The following ME1 variants were observed in gnomAD, a reference collection of about 807,000 sequenced individuals.
ME1 encodes the protein NADP-dependent malic enzyme.
In ME1, 74 loss-of-function variants were observed where a neutral mutation model predicts 66.4. The ratio of observed to expected loss-of-function variants is 1.11; its 90% CI spans 0.92 to 1.35. The LOEUF is 1.35. ME1 is among the 40% of genes most tolerant of loss of function. The pLI, the probability that ME1 is intolerant of heterozygous loss-of-function variation, is 0.00. For missense variants in ME1, 750 were observed against 694.1 expected (o/e 1.08, Z -0.90); for synonymous variants, 251 against 235.6 (o/e 1.07, Z -0.60).
chr6:83,355,795 A>G (rs1317435329), intron 3 of ME1, among the ~76,000 whole-genome samples: 1 of 152,172 alleles, frequency 6.6e-6, no homozygotes, highest in East Asian at 1.9e-4. Flanking sequence ...GTTATAAAAT[A>G]AAAAAGTTTA....
intron 6 of ME1, among the ~76,000 whole-genome samples, chr6:83,284,309 T>C (rs1485104381): frequency 6.6e-6 from 1 of 151,992 alleles, no homozygotes; most frequent in African/African-American, 2.4e-5. Context: ...TTCTACCAGA[T>C]GTACAAAGAA....
chr6:83,216,797 T>C (rs1790003678), intron 12 of ME1, among the ~76,000 whole-genome samples: 1 of 152,120 alleles, frequency 6.6e-6, no homozygotes, highest in Admixed American at 6.5e-5. Context: ...GATCACATAA[T>C]TGGTGAAAAA....
chr6:83,429,136 G>A (rs935360344), intron 1 of ME1, among the ~76,000 whole-genome samples: 1 of 152,072 alleles, frequency 6.6e-6, no homozygotes, highest in African/African-American at 2.4e-5. Flanking sequence ...GGTGGCGGGC[G>A]CTTGTAGTCT....
intron 3 of ME1, among the ~76,000 whole-genome samples, chr6:83,386,761 C>T (rs1369506663): frequency 6.6e-6 from 1 of 150,574 alleles, no homozygotes; most frequent in Non-Finnish European, 1.5e-5. Flanking sequence ...GGAGATGGGG[C>T]CTTTGGGAGG....
intron 9 of ME1, among the ~76,000 whole-genome samples, chr6:83,232,266 G>T (rs1790321958): frequency 1.3e-5 from 2 of 152,134 alleles, no homozygotes; most frequent in South Asian, 2.1e-4. Context: ...TGGATCTGTG[G>T]ACAGGGCTTT....
chr6:83,250,035 T>G (rs530430792), intron 7 of ME1, among the ~76,000 whole-genome samples: 1 of 152,282 alleles, frequency 6.6e-6, no homozygotes, highest in Non-Finnish European at 1.5e-5. Context: ...ATTCCTGAAC[T>G]GTTGAACTCA....
rs182393342 is a variant in ME1 at position 83,339,894 on chromosome 6, G to A, written c.600+6279C>T. Among the ~76,000 whole-genome samples, 537 of 132,620 alleles carry A rather than the reference G, an allele frequency of 4.0e-3. 4 individuals carry two copies. The highest frequency in any genetic ancestry group is 0.014 in the African/African-American group (500 of 34,820). The allele number at this position is 132,620 out of a possible 152,430, so 87.0% of individuals were successfully genotyped here. On this transcript the variant is annotated intron_variant, in intron 5 of 13. Coordinates refer to ENST00000369705, the MANE Select transcript of ME1 (RefSeq NM_002395.6). ...TAGATGACACGTTAGTGGGTGCAGC[G>A]CACCAGCATGGCACATGTATACATA... is the stretch of plus-strand genomic sequence containing the variant.
intron 3 of ME1, chr6:83,392,719 T>C: frequency 3.2e-6 from 2 of 627,648 alleles, no homozygotes; most frequent in Admixed American, 1.8e-5. Flanking sequence ...CACCAGCATC[T>C]TCACCACCAT....
intron 5 of ME1, among the ~76,000 whole-genome samples, chr6:83,341,286 T>C (rs1015528660): frequency 3.3e-5 from 5 of 152,228 alleles, no homozygotes; most frequent in Non-Finnish European, 5.9e-5. Context: ...TTCTAGACTC[T>C]TCCCTATGCA....
chr6:83,216,425 T>G (rs1033226542), intron 13 of ME1, 73 bp downstream of exon 13: 2 of 1,074,556 alleles, frequency 1.9e-6, no homozygotes, highest in Non-Finnish European at 2.8e-6. Flanking sequence ...AAGCAGATTT[T>G]TAATATTTAA....
chr6:83,240,188 T>C (rs952244801), intron 7 of ME1, among the ~76,000 whole-genome samples: 2 of 151,878 alleles, frequency 1.3e-5, no homozygotes, highest in Admixed American at 6.6e-5. Context: ...ACAAAGAAAC[T>C]CTTAATGTAA....
rs141379346 is a variant in ME1, at chr6:83,418,776, T to C, written c.79-10875A>G. On this transcript the variant is annotated intron_variant, in intron 1 of 13. Coordinates refer to ENST00000369705, the MANE Select transcript of ME1 (RefSeq NM_002395.6). ...ATATAAAGAGCTTAACAGGATATTA[T>C]ATGAAAAGCTACACAAATAACTATA... 5.3e-5 allele frequency among the ~76,000 whole-genome samples: 8 copies of C among 152,300 alleles called. No homozygotes were observed. The East Asian group carries it at 7.7e-4, about 15-fold the overall frequency.
In ME1 at chr6:83,369,782, G is replaced by C. The variant is rs1006594356; in HGVS notation, c.363-17643C>G. On this transcript the variant is annotated intron_variant, in intron 3 of 13. Transcript: ENST00000369705. ...TTTTTTATAACAACTTGAGAGGAAG[G>C]AATATATTCTTTCTCGGTTCAAAAC... Among the ~76,000 whole-genome samples the C allele has an allele frequency of 2.0e-5, 3 of 152,000 alleles. No individual in the cohort carries two copies. The East Asian group carries it at 5.8e-4, about 29-fold the overall frequency.
intron 1 of ME1, among the ~76,000 whole-genome samples, chr6:83,427,083 T>TA (rs1770388176): frequency 1.3e-5 from 2 of 151,932 alleles, no homozygotes; most frequent in South Asian, 4.2e-4. Context: ...TCCCTGAAAA[T>TA]AAAAAACATT....
At chr6:83,403,337 A>G (rs1295990292) in intron 2 of ME1, among the ~76,000 whole-genome samples, 1 of 152,132 alleles carries the variant, frequency 6.6e-6, no homozygotes. Context: ...ACAGAAATTG[A>G]TTTCTCATAG....
intron 1 of ME1, among the ~76,000 whole-genome samples, chr6:83,424,770 T>C (rs1770336917): frequency 6.6e-6 from 1 of 152,288 alleles, no homozygotes; most frequent in South Asian, 2.1e-4. Flanking sequence ...GGCTTAAACA[T>C]AAATTTATTT....
Position 83,404,318 on chromosome 6 carries a change from G to A in ME1, c.212+3450C>T, listed in dbSNP as rs546247470. On this transcript the variant is annotated intron_variant, in intron 2 of 13. Coordinates refer to ENST00000369705, the MANE Select transcript of ME1 (RefSeq NM_002395.6). ...AAATGTCTTCTTTTGAGAAGTGTCC[G>A]TTCATATCCTTTGCCCACTTTTTGA... 3.9e-4 allele frequency among the ~76,000 whole-genome samples: 59 copies of A among 152,100 alleles called. 1 individual carries two copies. The highest frequency in any genetic ancestry group is 3.1e-3 in the Admixed American group (48 of 15,274).
At chr6:83,357,899 TCC>T (rs1365576040) in intron 3 of ME1, among the ~76,000 whole-genome samples, 1,040 of 62,000 alleles carry the variant, frequency 0.017, 29 homozygotes, top group African/African-American at 0.068. Context: ...CTTAATAAAC[TCC>T]CCTCTCTCTC....
At chr6:83,412,879 G>A (rs1336551436) in intron 1 of ME1, among the ~76,000 whole-genome samples, 1 of 152,164 alleles carries the variant, frequency 6.6e-6, no homozygotes, top group Non-Finnish European at 1.5e-5. Flanking sequence ...GTTTTTCAGT[G>A]ATAGAACCAT....
Sources: allele counts gnomAD v4.1 joint callset (sites outside exome capture counted in the v4.1 genomes callset), GRCh38; gene constraint gnomAD v4.1.1; transcripts MANE v1.5; gene names NCBI Gene and HGNC (gene_info 2026-07-23, HGNC 2026-07-21).